Variants in TUSC3 observed in about 807,000 individuals in gnomAD.
TUSC3 encodes tumor suppressor candidate 3, also known as dolichyl-diphosphooligosaccharide--protein glycosyltransferase subunit TUSC3.
Under a neutral mutation model 44.8 loss-of-function variants are expected in TUSC3, and 45 were observed. That is an observed-to-expected ratio of 1.00 (90% CI 0.79 to 1.29). TUSC3 has a LOEUF of 1.29. TUSC3 is among the 50% of genes most tolerant of loss of function. The pLI is 0.00. For synonymous variants in TUSC3, 212 were observed against 152.9 expected (o/e 1.39, Z -2.85); for missense variants, 519 against 437.9 (o/e 1.19, Z -1.65).
At position 15,743,583 on chromosome 8, in the gene TUSC3, C is replaced by A; in HGVS notation, c.908C>A (p.Thr303Asn). ...ATGGTTCTTCTAAATGAAGCAGCAACTTCGAAAGGCGATGTTGGAAAAAGA... is the reference window on the plus strand; with the variant it reads ...ATGGTTCTTCTAAATGAAGCAGCAAATTCGAAAGGCGATGTTGGAAAAAGA... ...MGMVLLNEAA[T>N]SKGDVGKRRI... The change falls in exon 8 of 11, where the codon ACT (threonine) becomes AAT (asparagine). Residue 303 changes from threonine to asparagine, a missense_variant. Transcript: ENST00000503731. The A allele has an allele frequency of 6.2e-7, 1 of 1,613,922 alleles. No homozygotes were observed.
chr8:15,775,771 TA>T, the TUSC3 span, among the ~76,000 whole-genome samples: 1 of 145,394 alleles, frequency 6.9e-6, no homozygotes, highest in African/African-American at 2.6e-5. Context: ...TATATATATA[TA>T]TATATCTTCC....
At chr8:15,743,742 A>C in intron 8 of TUSC3, 130 bp downstream of exon 8, 1 of 1,052,906 alleles carries the variant, frequency 9.5e-7, no homozygotes. Flanking sequence ...AGAAGATTTT[A>C]ACTTTTTTCT....
intron 4 of TUSC3, 53 bp downstream of exon 4, chr8:15,659,700 T>A: frequency 6.2e-7 from 1 of 1,602,696 alleles, no homozygotes; most frequent in Non-Finnish European, 8.5e-7. Context: ...TTTGTTTTTA[T>A]GGAGCATTTT....
At position 15,609,568 on chromosome 8, in the gene TUSC3, G is replaced by C. The variant is rs558878098; in HGVS notation, c.139-13512G>C. On this transcript the variant is annotated intron_variant, in intron 1 of 10. Transcript: ENST00000503731. ...AATGGTGACAGAAGCTAATGCAGTG[G>C]TGGAAAAAAAAATGGGAAGCTCATT... is the stretch of plus-strand genomic sequence containing the variant. 1.4e-4 allele frequency among the ~76,000 whole-genome samples: 21 copies of C among 151,994 alleles called. No individual in the cohort carries two copies. In the South Asian group the frequency reaches 2.3e-3, roughly 17 times the overall value.
intron 1 of TUSC3, among the ~76,000 whole-genome samples, chr8:15,590,310 T>G (rs1011608952): frequency 1.1e-4 from 17 of 152,136 alleles, no homozygotes; most frequent in African/African-American, 3.6e-4. Context: ...TTATAGCCAG[T>G]TAATGGCAAA....
chr8:15,618,184 C>A (rs576415878), intron 1 of TUSC3, among the ~76,000 whole-genome samples: 1 of 152,058 alleles, frequency 6.6e-6, no homozygotes, highest in African/African-American at 2.4e-5. Flanking sequence ...AGGCCTGGGA[C>A]GTTACTGTAC....
At chr8:15,851,141 A>G in the TUSC3 span, among the ~76,000 whole-genome samples, 1,183 of 152,326 alleles carry the variant, frequency 7.8e-3, 18 homozygotes, top group African/African-American at 0.027. Context: ...AATATGTTTC[A>G]TCCTCTGGCC....
the TUSC3 span, among the ~76,000 whole-genome samples, chr8:15,823,147 A>C: frequency 4.6e-5 from 7 of 152,238 alleles, no homozygotes; most frequent in Middle Eastern, 3.4e-3. Context: ...AGTCTTTTAA[A>C]AGTTAGTTTA....
the TUSC3 span, among the ~76,000 whole-genome samples, chr8:15,836,751 A>G: frequency 1.3e-5 from 2 of 152,142 alleles, no homozygotes; most frequent in African/African-American, 4.8e-5. Context: ...TTATTGTCAC[A>G]TATACTTTCA....
At chr8:15,819,018 G>A in the TUSC3 span, among the ~76,000 whole-genome samples, 1 of 152,084 alleles carries the variant, frequency 6.6e-6, no homozygotes, top group Non-Finnish European at 1.5e-5. Context: ...GAGGCCAGGA[G>A]TTTGAGACCA....
chr8:15,562,782 A>G (rs1412531246), intron 1 of TUSC3, among the ~76,000 whole-genome samples: 1 of 152,162 alleles, frequency 6.6e-6, no homozygotes, highest in Admixed American at 6.5e-5. Context: ...AGTTCACAGC[A>G]TGGCTATTTG....
chr8:15,649,539 G>A (rs190869033), intron 2 of TUSC3, among the ~76,000 whole-genome samples: 2 of 151,030 alleles, frequency 1.3e-5, no homozygotes, highest in Non-Finnish European at 2.9e-5. Context: ...AGCCGAGATC[G>A]CGCCACTGCA....
chr8:15,819,663 A>T, the TUSC3 span, among the ~76,000 whole-genome samples: 1 of 152,234 alleles, frequency 6.6e-6, no homozygotes, highest in Non-Finnish European at 1.5e-5. Context: ...AAGTATATAG[A>T]ATTAAAAGTT....
chr8:15,715,904 A>G (rs1484192970), intron 6 of TUSC3, among the ~76,000 whole-genome samples: 1 of 152,106 alleles, frequency 6.6e-6, no homozygotes, highest in Non-Finnish European at 1.5e-5. Flanking sequence ...TTTATATACA[A>G]AAAAATGCAA....
rs368017854 is a variant in TUSC3, at chr8:15,764,237, T to G, written c.*81T>G. The G allele has an allele frequency of 5.0e-6, 8 of 1,605,768 alleles. No individual in the cohort carries two copies. Among genetic ancestry groups the G allele is most frequent in the Non-Finnish European group, 6.0e-6 (7 of 1,173,812 alleles). On this transcript the variant is annotated 3_prime_UTR_variant, in exon 11 of 11. Transcript: ENST00000503731. ...TAAATGAAGCCAAGTGGGATTTGCA[T>G]AAAGTGAATGTTTACCATGAAGATA... is the stretch of plus-strand genomic sequence containing the variant.
chr8:15,813,827 C>G, the TUSC3 span, among the ~76,000 whole-genome samples: 2 of 151,926 alleles, frequency 1.3e-5, no homozygotes, highest in African/African-American at 2.4e-5. Context: ...TGCTAACCAT[C>G]GAAGTATTAC....
the TUSC3 span, among the ~76,000 whole-genome samples, chr8:15,832,954 CCATTCAAAAA>C: frequency 2.2e-3 from 334 of 152,220 alleles, 1 homozygote; most frequent in African/African-American, 7.4e-3. Flanking sequence ...TACAAACTCT[CCATTCAAAAA>C]CAGCAGAATA....
intron 1 of TUSC3, among the ~76,000 whole-genome samples, chr8:15,575,154 T>C (rs971520279): frequency 5.7e-5 from 7 of 122,676 alleles, no homozygotes; most frequent in African/African-American, 2.1e-4. Context: ...AATTTTGCGA[T>C]AGATGTATTT....
intron 1 of TUSC3, among the ~76,000 whole-genome samples, chr8:15,470,674 C>A (rs1011817624): frequency 6.6e-5 from 10 of 152,136 alleles, no homozygotes; most frequent in African/African-American, 2.2e-4. Context: ...AAAGTCCTTT[C>A]ATTAAAACAG....
Sources: allele counts gnomAD v4.1 joint callset (sites outside exome capture counted in the v4.1 genomes callset), GRCh38; gene constraint gnomAD v4.1.1; transcripts MANE v1.5; gene names NCBI Gene and HGNC (gene_info 2026-07-23, HGNC 2026-07-21).